The following ITGA3 variants were observed in gnomAD, a reference collection of about 807,000 sequenced individuals.
ITGA3 encodes the protein integrin subunit alpha 3, also known as integrin alpha-3.
ITGA3 carries 70 observed loss-of-function variants against 131.1 expected under a neutral mutation model. The observed-to-expected ratio is 0.53, with a 90% CI of 0.44 to 0.65. ITGA3 has a LOEUF of 0.65. Ranked by LOEUF, ITGA3 falls within the 30% of genes least tolerant of loss-of-function variation. The pLI is 0.00. For missense variants in ITGA3, 1,098 were observed against 1,388.6 expected (o/e 0.79, Z 3.33); for synonymous variants, 537 against 571.6 (o/e 0.94, Z 0.86).
intron 1 of ITGA3, among the ~76,000 whole-genome samples, chr17:50,062,901 A>G (rs1236685840): frequency 1.3e-5 from 2 of 152,252 alleles, no homozygotes; most frequent in Non-Finnish European, 2.9e-5. Context: ...AGGATTGAGC[A>G]GGGGCTCCTG....
At chr17:50,071,931 A>C in intron 6 of ITGA3, 55 bp from the exon 7 acceptor site, 1 of 1,478,234 alleles carries the variant, frequency 6.8e-7, no homozygotes, top group Non-Finnish European at 9.3e-7. Flanking sequence ...AACAAGAACT[A>C]TGCTGCATAT....
intron 3 of ITGA3, 129 bp from the exon 4 acceptor site, chr17:50,067,927 G>A: frequency 8.2e-7 from 1 of 1,226,590 alleles, no homozygotes; most frequent in Non-Finnish European, 1.1e-6. Context: ...AGTATCACTG[G>A]GAGAAGGAGA....
At chr17:50,078,980 A>G in intron 19 of ITGA3, 54 bp downstream of exon 19, 1 of 1,526,874 alleles carries the variant, frequency 6.5e-7, no homozygotes. Context: ...GATTATTTTT[A>G]TTTTCTCTGG....
At chr17:50,062,384 T>C (rs1485397837) in intron 1 of ITGA3, among the ~76,000 whole-genome samples, 2 of 152,144 alleles carry the variant, frequency 1.3e-5, no homozygotes, top group Non-Finnish European at 2.9e-5. Flanking sequence ...CCTTCTCTCA[T>C]CTGTCAGGCA....
In ITGA3 at chr17:50,067,999, C is replaced by T. The variant is rs1412417155; in HGVS notation, c.415-57C>T. On this transcript the variant is annotated intron_variant, in intron 3 of 25. Transcript: ENST00000320031. ...CCAGAGGCTTACAGGGTAAAAGAGA[C>T]AGCTGACCCGGGTCCCTGTGCCTGA... is the stretch of plus-strand genomic sequence containing the variant. 8 of 1,603,796 alleles carry T rather than the reference C, an allele frequency of 5.0e-6. No homozygotes were observed. In the Admixed American group the frequency reaches 1.3e-4, roughly 27 times the overall value.
intron 16 of ITGA3, 56 bp from the exon 17 acceptor site, chr17:50,077,990 C>T (rs868671822): frequency 1.4e-6 from 2 of 1,430,834 alleles, no homozygotes; most frequent in Middle Eastern, 2.1e-4. Flanking sequence ...TTCCCCATGA[C>T]ATCACCCCCG....
intron 18 of ITGA3, 101 bp downstream of exon 18, chr17:50,078,385 G>A: frequency 1.1e-6 from 1 of 920,170 alleles, no homozygotes; most frequent in Non-Finnish European, 1.7e-6. Context: ...CCCTCTCTTG[G>A]CCCAGTGTCC....
Position 50,056,683 on chromosome 17 carries a change from A to T in ITGA3, c.206+38A>T. On this transcript the variant is annotated intron_variant, in intron 1 of 25. Transcript: ENST00000320031. The surrounding 1 kb of genome is among the most constrained non-coding windows in gnomAD (Gnocchi z 5.6). ...GGAGGGTGTGGGGTGGGAGCGAGAG[A>T]GTGTGCGAGCGCGGGATGCGGGTCC... 2 of 1,560,404 alleles carry T rather than the reference A, an allele frequency of 1.3e-6. No homozygotes were observed. Among genetic ancestry groups the T allele is most frequent in the Non-Finnish European group, 1.7e-6 (2 of 1,150,698 alleles).
Position 50,087,887 on chromosome 17 carries a change from C to T in ITGA3, c.3045+18C>T, listed in dbSNP as rs1239213853. 6 of 1,547,822 alleles carry T rather than the reference C, an allele frequency of 3.9e-6. No homozygotes were observed. Among genetic ancestry groups the T allele is most frequent in the Non-Finnish European group, 5.3e-6 (6 of 1,142,082 alleles). ...TGTGGAAGGTTAGTAGCCCAGCCCA[C>T]TCCTGCTCCGGGACCTCCACCAGCA... On this transcript the variant is annotated intron_variant, in intron 24 of 25. Coordinates refer to ENST00000320031, the MANE Select transcript of ITGA3 (RefSeq NM_002204.4).
chr17:50,066,891 C>T (rs1398461334), intron 3 of ITGA3, among the ~76,000 whole-genome samples: 1 of 152,198 alleles, frequency 6.6e-6, no homozygotes, highest in Non-Finnish European at 1.5e-5. Flanking sequence ...TAAAATCACT[C>T]CAGAAGGTGC....
Position 50,056,693 on chromosome 17 carries a change from C to G in ITGA3, c.206+48C>G, listed in dbSNP as rs1382006252. ...GGGTGGGAGCGAGAGAGTGTGCGAG[C>G]GCGGGATGCGGGTCCGGAGCTGAGT... On this transcript the variant is annotated intron_variant, in intron 1 of 25. Coordinates refer to ENST00000320031, the MANE Select transcript of ITGA3 (RefSeq NM_002204.4). The surrounding 1 kb of genome is among the most constrained non-coding windows in gnomAD (Gnocchi z 5.6). 1 of 1,536,660 alleles carries G rather than the reference C, an allele frequency of 6.5e-7. No homozygotes were observed. Among genetic ancestry groups the G allele is most frequent in the Non-Finnish European group, 8.8e-7 (1 of 1,135,134 alleles).
Position 50,071,447 on chromosome 17 carries a change from G to T in ITGA3, c.888G>T (p.Gln296His). 6.2e-7 allele frequency: 1 copy of T among 1,613,872 alleles called. No homozygotes were observed. Among genetic ancestry groups the T allele is most frequent in the Non-Finnish European group, 8.5e-7 (1 of 1,180,034 alleles). ...CAGGCGGAGACCTGCGGAGGAGGCA[G>T]GTGCTGGAGGGCTCGCAGGTGGGCG... ...QEAGGDLRRR[Q>H]VLEGSQVGAY... Residue 296 changes from glutamine to histidine, a missense_variant, in exon 6 of 26, where the codon CAG becomes CAT. Transcript: ENST00000320031.
chr17:50,085,236 AG>A (rs1252242413), intron 23 of ITGA3, among the ~76,000 whole-genome samples: 3 of 151,094 alleles, frequency 2.0e-5, no homozygotes, highest in African/African-American at 4.9e-5. Flanking sequence ...GAAGGAAGAG[AG>A]GGAGGAAGGG....
intron 3 of ITGA3, among the ~76,000 whole-genome samples, chr17:50,066,859 C>T (rs1444529564): frequency 1.3e-5 from 2 of 152,142 alleles, no homozygotes; most frequent in South Asian, 4.2e-4. Context: ...ATGTATGTAC[C>T]TGTATAACCA....
intron 5 of ITGA3, 43 bp downstream of exon 5, chr17:50,070,973 G>A (rs1396926460): frequency 1.5e-5 from 19 of 1,250,710 alleles, no homozygotes; most frequent in Non-Finnish European, 2.1e-5. Context: ...AGAGGGGAAG[G>A]GGGCTTAGTC....
At chr17:50,075,786 G>T (rs1200738272) in intron 12 of ITGA3, 51 bp downstream of exon 12, 1 of 1,595,626 alleles carries the variant, frequency 6.3e-7, no homozygotes, top group Admixed American at 1.7e-5. Flanking sequence ...CCTGGAGGAG[G>T]TGGCCAGTGT....
At chr17:50,075,808 A>T in intron 12 of ITGA3, 73 bp downstream of exon 12, 1 of 1,518,188 alleles carries the variant, frequency 6.6e-7, no homozygotes, top group Non-Finnish European at 9.1e-7. Context: ...CCCCTAGATC[A>T]AGGGTGAGGG....
chr17:50,073,838 T>C, intron 7 of ITGA3, 78 bp from the exon 8 acceptor site: 1 of 1,022,052 alleles, frequency 9.8e-7, no homozygotes, highest in Non-Finnish European at 1.6e-6. Flanking sequence ...TGCTGGGCTG[T>C]ATGGCCTGGA....
rs753314060 is a variant in ITGA3 at position 50,080,395 on chromosome 17, G to A, written c.2820+20G>A. ...ATCGAGGTCAGTGCCTGGGTCTGAAGGTCTCTCCTACCATCCACCCTGAGG... is the reference window on the plus strand; with the variant it reads ...ATCGAGGTCAGTGCCTGGGTCTGAAAGTCTCTCCTACCATCCACCCTGAGG... On this transcript the variant is annotated intron_variant, in intron 22 of 25. Coordinates refer to ENST00000320031, the MANE Select transcript of ITGA3 (RefSeq NM_002204.4). The A allele has an allele frequency of 6.0e-5, 89 of 1,493,480 alleles. No individual in the cohort carries two copies. The highest frequency in any genetic ancestry group is 2.3e-4 in the South Asian group (20 of 87,190). The allele number at this position is 1,493,480 out of a possible 1,614,324, so 92.5% of individuals were successfully genotyped here.
Sources: allele counts gnomAD v4.1 joint callset (sites outside exome capture counted in the v4.1 genomes callset), GRCh38; gene constraint gnomAD v4.1.1; non-coding constraint Gnocchi (gnomAD v3.1); transcripts MANE v1.5; gene names NCBI Gene and HGNC (gene_info 2026-07-23, HGNC 2026-07-21).